SPG7: variants seen among roughly 807,000 people sequenced by gnomAD.
SPG7 encodes the protein SPG7 matrix AAA peptidase subunit, paraplegin.
In SPG7, 103 loss-of-function variants were observed where a neutral mutation model predicts 81.9. That is an observed-to-expected ratio of 1.26 (90% confidence interval 1.07 to 1.48). The LOEUF (loss-of-function observed/expected upper bound fraction) is 1.48, where lower values mean the gene tolerates loss of function less well. SPG7 is among the 40% of genes most tolerant of loss of function. SPG7 has a pLI of 0.00. For missense variants in SPG7, 1,241 were observed against 1,087.3 expected (o/e 1.14, Z -1.99); for synonymous variants, 534 against 444.2 (o/e 1.20, Z -2.54).
chr16:89,510,540 G>A lies in SPG7; in HGVS notation c.234G>A (p.Leu78=). 6.3e-7 allele frequency: 1 copy of A among 1,585,360 alleles called. No homozygotes were observed. The highest frequency in any genetic ancestry group is 2.3e-5 in the East Asian group (1 of 43,396). The change falls in exon 2 of 17, where the codon TTG becomes TTA. Residue 78 remains leucine (L), a synonymous_variant. Transcript: ENST00000645818. ...LTPTFEGING[L]LLKQHLVQNP... is the part of the protein sequence containing the mutation. ...CTACCTTTGAAGGGATCAACGGATT[G>A]TTGTTGAAACAACATTTAGTTCAGA...
At chr16:89,508,713 C>T in intron 1 of SPG7, 113 bp downstream of exon 1, 1 of 1,114,360 alleles carries the variant, frequency 9.0e-7, no homozygotes, top group Non-Finnish European at 1.3e-6. Context: ...GAGCCTGCGC[C>T]TGTGGGCCCG....
At chr16:89,519,946 A>G (rs1036981156) in intron 3 of SPG7, 10 of 152,236 alleles carry the variant, frequency 6.6e-5, no homozygotes, top group Non-Finnish European at 1.0e-4. Context: ...CATAATATCT[A>G]ATTGTCAACA....
chr16:89,542,612 G>T (rs770950911), intron 9 of SPG7, among the ~76,000 whole-genome samples: 15 of 152,142 alleles, frequency 9.9e-5, no homozygotes, highest in Admixed American at 2.0e-4. Flanking sequence ...CTTGGGAGTG[G>T]GGTGTGTCTT....
chr16:89,509,068 A>T, intron 1 of SPG7: 1 of 416,244 alleles, frequency 2.4e-6, no homozygotes, highest in East Asian at 7.1e-5. Context: ...TGCTGTTGTC[A>T]TGTAGCTCGG....
At chr16:89,546,182 G>A (rs987694089) in intron 10 of SPG7, 6 of 302,154 alleles carry the variant, frequency 2.0e-5, no homozygotes, top group Non-Finnish European at 3.2e-5. Flanking sequence ...CATCTCCCAG[G>A]TTCAAGTGAT....
At chr16:89,554,455 T>A in intron 15 of SPG7, 31 bp from the exon 16 acceptor site, 1 of 1,543,120 alleles carries the variant, frequency 6.5e-7, no homozygotes, top group African/African-American at 1.4e-5. Flanking sequence ...GCGGCCAGCC[T>A]TGCCCCTGAC....
intron 3 of SPG7, chr16:89,520,530 G>A (rs1331380118): frequency 6.5e-6 from 1 of 153,584 alleles, no homozygotes; most frequent in Non-Finnish European, 1.5e-5. Flanking sequence ...CCTAGTAGCT[G>A]GGCTTACAGG....
chr16:89,513,919 G>A (rs2058055475), intron 3 of SPG7, among the ~76,000 whole-genome samples: 2 of 152,134 alleles, frequency 1.3e-5, no homozygotes, highest in Admixed American at 1.3e-4. Flanking sequence ...TTGGATGAGG[G>A]GATTATTATT....
chr16:89,509,807 T>G (rs1597599676), intron 1 of SPG7, among the ~76,000 whole-genome samples: 1 of 142,098 alleles, frequency 7.0e-6, no homozygotes, highest in East Asian at 2.0e-4. Flanking sequence ...TTTTTTTTTT[T>G]TGTGACAATC....
At chr16:89,530,444 G>A in intron 6 of SPG7, 1 of 571,730 alleles carries the variant, frequency 1.7e-6, no homozygotes, top group Non-Finnish European at 3.2e-6. Context: ...ATGCCTGGCT[G>A]AGTAATTTTT....
At chr16:89,545,060 G>C in intron 10 of SPG7, 1 of 473,616 alleles carries the variant, frequency 2.1e-6, no homozygotes. Context: ...CCTGCTATTG[G>C]TTTTCCTTTT....
chr16:89,524,783 A>G (rs905229209), intron 4 of SPG7, among the ~76,000 whole-genome samples: 5 of 152,084 alleles, frequency 3.3e-5, no homozygotes, highest in Non-Finnish European at 7.4e-5. Flanking sequence ...GCGTCAGAAC[A>G]TGTGCTTGGA....
chr16:89,554,827 T>C (rs2058670913), intron 16 of SPG7: 1 of 453,944 alleles, frequency 2.2e-6, no homozygotes, highest in African/African-American at 2.0e-5. Flanking sequence ...ACCAATGTTT[T>C]GTCAGTTTTG....
At chr16:89,553,356 G>C (rs553954726) in intron 14 of SPG7, 2 of 595,264 alleles carry the variant, frequency 3.4e-6, no homozygotes, top group East Asian at 5.8e-5. Flanking sequence ...GCCAACTCTA[G>C]ACACATTTAA....
intron 7 of SPG7, 34 bp from the exon 8 acceptor site, chr16:89,531,870 A>G (rs763512983): frequency 8.7e-6 from 14 of 1,612,952 alleles, no homozygotes; most frequent in South Asian, 3.3e-5. Context: ...GGAATCCCCA[A>G]GTAGTTAGTG....
At chr16:89,549,419 G>A (rs1204257743) in intron 12 of SPG7, 1 of 363,448 alleles carries the variant, frequency 2.8e-6, no homozygotes, top group Admixed American at 3.7e-5. Context: ...CAGCACTTTG[G>A]GGGCTGAGGC....
At chr16:89,551,197 G>C in intron 13 of SPG7, 1 of 184,072 alleles carries the variant, frequency 5.4e-6, no homozygotes, top group East Asian at 1.3e-4. Context: ...CTGCCAAGAG[G>C]AGGTCTCTAC....
At position 89,532,578 on chromosome 16, in the gene SPG7, C is replaced by T. The variant is rs767857665; in HGVS notation, c.1266C>T (p.Ser422=). The T allele has an allele frequency of 5.5e-5, 89 of 1,613,684 alleles. No individual in the cohort carries two copies. Among genetic ancestry groups the T allele is most frequent in the Non-Finnish European group, 6.5e-5 (77 of 1,180,042 alleles). ...GCAAGAAGCGCTCCACCACCATGTC[C>T]GGCTTCTCCAACACGGAGGAGGAGC... ...AVGKKRSTTM[S]GFSNTEEEQT... is the part of the protein sequence containing the mutation. Residue 422 remains serine, a synonymous_variant, in exon 9 of 17, where the codon TCC becomes TCT. Coordinates refer to ENST00000645818, the MANE Select transcript of SPG7 (RefSeq NM_003119.4).
chr16:89,548,954 T>C (rs1392205310), intron 12 of SPG7: 2 of 454,430 alleles, frequency 4.4e-6, no homozygotes, highest in Non-Finnish European at 4.4e-6. Context: ...TCGAGTGAAT[T>C]CCTAGCACGA....
Sources: allele counts gnomAD v4.1 joint callset (sites outside exome capture counted in the v4.1 genomes callset), GRCh38; gene constraint gnomAD v4.1.1; transcripts MANE v1.5; gene names NCBI Gene and HGNC (gene_info 2026-07-23, HGNC 2026-07-21).